The following DYNLT5 variants were observed in gnomAD, a reference collection of about 807,000 sequenced individuals.
DYNLT5 encodes the protein dynein light chain Tctex-type family member 5, also known as dynein light chain Tctex-type 5.
In DYNLT5, 25 loss-of-function variants were observed where a neutral mutation model predicts 19.3. The ratio of observed to expected loss-of-function variants is 1.30; its 90% CI spans 0.95 to 1.81. The LOEUF (loss-of-function observed/expected upper bound fraction) is 1.81. Among genes scored for constraint, DYNLT5 ranks in the 40% most tolerant of loss-of-function variants. The pLI is 0.00. For synonymous variants in DYNLT5, 82 were observed against 68.9 expected, an observed-to-expected ratio of 1.19 and a Z score of -0.94; for missense variants, 232 against 217.9, an observed-to-expected ratio of 1.06 and a Z score of -0.41.
At chr1:66,770,658 G>T (rs1336654463) in intron 3 of DYNLT5, 180 bp downstream of exon 3, 1 of 691,022 alleles carries the variant, frequency 1.4e-6, no homozygotes, top group African/African-American at 1.8e-5. Context: ...AACAACACTT[G>T]CTGTCTTACT....
At chr1:66,766,233 C>T (rs1391547) in intron 2 of DYNLT5, among the ~76,000 whole-genome samples, 74,248 of 151,904 alleles carry the variant, frequency 0.49, 18,912 homozygotes, top group African/African-American at 0.61. Flanking sequence ...AAAATAAAAC[C>T]GTAGCATTCA....
At chr1:66,755,030 C>A (rs570371935) in intron 2 of DYNLT5, among the ~76,000 whole-genome samples, 1 of 152,334 alleles carries the variant, frequency 6.6e-6, no homozygotes, top group African/African-American at 2.4e-5. Context: ...AGAAACACCA[C>A]ATGCAATGTA....
intron 2 of DYNLT5, among the ~76,000 whole-genome samples, chr1:66,757,256 T>C (rs1303784543): frequency 6.6e-6 from 1 of 152,210 alleles, no homozygotes; most frequent in Non-Finnish European, 1.5e-5. Context: ...TTGGTTTCCA[T>C]GTCTACAGTC....
intron 2 of DYNLT5, among the ~76,000 whole-genome samples, chr1:66,758,404 T>G (rs1286057959): frequency 4.1e-5 from 6 of 144,592 alleles, no homozygotes; most frequent in Non-Finnish European, 5.9e-5. Context: ...TGTCTAGGCT[T>G]GTTATCTGTG....
intron 1 of DYNLT5, among the ~76,000 whole-genome samples, chr1:66,753,823 G>A (rs1208616172): frequency 6.6e-6 from 1 of 151,926 alleles, no homozygotes; most frequent in East Asian, 1.9e-4. Flanking sequence ...GGTGGTGCAG[G>A]CCTGTAGTCC....
chr1:66,752,506 G>A lies in DYNLT5; in HGVS notation c.-82G>A. The A allele has an allele frequency of 1.0e-6, 1 of 985,584 alleles. No individual in the cohort carries two copies. Among genetic ancestry groups the A allele is most frequent in the African/African-American group, 1.7e-5 (1 of 57,374 alleles). The allele number at this position is 985,584 out of a possible 1,614,324, so 61.1% of individuals were successfully genotyped here. ...GCGGCCGCCGGCTGAATGAAGCCTG[G>A]GACGCGGGAGCCGCGCCGCGCGCAG... is the stretch of plus-strand genomic sequence containing the variant. On this transcript the variant is annotated 5_prime_UTR_variant, in exon 1 of 5. Transcript: ENST00000282670.
chr1:66,770,521 T>A, intron 3 of DYNLT5, 43 bp downstream of exon 3: 1 of 1,371,044 alleles, frequency 7.3e-7, no homozygotes, highest in Non-Finnish European at 1.0e-6. Flanking sequence ...ACTTCTAAAT[T>A]GGTGACTGAT....
At chr1:66,777,115 G>C (rs371749593) in intron 4 of DYNLT5, 136 bp from the exon 5 acceptor site, 8 of 725,444 alleles carry the variant, frequency 1.1e-5, no homozygotes, top group Non-Finnish European at 1.7e-5. Context: ...TCATACTTAC[G>C]GTTCTAAAAC....
intron 2 of DYNLT5, chr1:66,768,637 T>A (rs1309298189): frequency 6.6e-6 from 1 of 152,240 alleles, no homozygotes; most frequent in African/African-American, 2.4e-5. Context: ...TTTGCTTTTT[T>A]GTCTTGGAAT....
chr1:66,770,323 A>G, intron 2 of DYNLT5, 64 bp from the exon 3 acceptor site: 1 of 1,062,088 alleles, frequency 9.4e-7, no homozygotes, highest in Non-Finnish European at 1.4e-6. Flanking sequence ...AGCTTAAAGC[A>G]ATATTGTATT....
At position 66,754,691 on chromosome 1, in the gene DYNLT5, A is replaced by G. The variant is rs774390512; in HGVS notation, c.33A>G (p.Ala11=). 6.8e-6 allele frequency: 11 copies of G among 1,613,142 alleles called. No individual in the cohort carries two copies. Among genetic ancestry groups the G allele is most frequent in the Non-Finnish European group, 9.3e-6 (11 of 1,179,740 alleles). Residue 11 remains alanine (A), a synonymous_variant, in exon 2 of 5, where the codon GCA becomes GCG. Coordinates refer to ENST00000282670, the MANE Select transcript of DYNLT5 (RefSeq NM_152665.3). Reference sequence around the variant, plus strand: ...TGTCAGACAATGCTAAAGGCAGAGCAGCTCATTCATGGAAGAAAAGAGGGA... The same window carrying G: ...TGTCAGACAATGCTAAAGGCAGAGCGGCTCATTCATGGAAGAAAAGAGGGA... The part of the protein sequence containing the change: MMMSDNAKGR[A]AHSWKKRGSI...
At chr1:66,776,558 T>G (rs547659353) in intron 4 of DYNLT5, among the ~76,000 whole-genome samples, 155 bp downstream of exon 4, 1,742 of 135,010 alleles carry the variant, frequency 0.013, 48 homozygotes, top group African/African-American at 0.045. Flanking sequence ...TGTGTGTGTG[T>G]GGGTGTGTGT....
intron 2 of DYNLT5, among the ~76,000 whole-genome samples, chr1:66,755,084 T>C (rs761396356): frequency 3.9e-5 from 6 of 152,202 alleles, no homozygotes; most frequent in Non-Finnish European, 5.9e-5. Flanking sequence ...CTCCTCAATA[T>C]TTTATAACAT....
In DYNLT5 at chr1:66,768,332, AT is replaced by A. The variant is rs377117701; in HGVS notation, c.120-2049del. ...GGTTAGAGAACAACTGAGGTTAATA[AT>A]TTTTTGTAATTTTACTTTCTTCTCT... On this transcript the variant is annotated intron_variant, in intron 2 of 4. Transcript: ENST00000282670. Among the ~76,000 whole-genome samples, 56 of 152,264 alleles carry A rather than the reference AT, an allele frequency of 3.7e-4. No individual in the cohort carries two copies. The East Asian group carries it at 0.01, about 28-fold the overall frequency.
intron 2 of DYNLT5, among the ~76,000 whole-genome samples, chr1:66,758,839 C>T (rs2094640875): frequency 6.6e-6 from 1 of 152,132 alleles, no homozygotes; most frequent in African/African-American, 2.4e-5. Flanking sequence ...TCAATCTATA[C>T]TACTGTGAGC....
chr1:66,770,802 T>C (rs1438725154), intron 3 of DYNLT5: 4 of 364,148 alleles, frequency 1.1e-5, no homozygotes, highest in Non-Finnish European at 2.1e-5. Flanking sequence ...GAGATAAGTA[T>C]TGATATTTTA....
chr1:66,776,722 C>T (rs909712158), intron 4 of DYNLT5, among the ~76,000 whole-genome samples: 1 of 152,098 alleles, frequency 6.6e-6, no homozygotes, highest in African/African-American at 2.4e-5. Context: ...ACTAAGGCAG[C>T]TTCTTTGAGT....
In DYNLT5 at chr1:66,770,420, C is replaced by A. The variant is rs749029829; in HGVS notation, c.153C>A (p.Pro51=). The part of the protein sequence containing the change: ...SMSTVSYMEE[P]SQRDDISRLT... ...GTACTGTGTCTTATATGGAAGAACC[C>A]AGTCAGCGTGATGATATCTCTCGCC... Residue 51 remains proline (P), a synonymous_variant, in exon 3 of 5, where the codon CCC becomes CCA. Transcript: ENST00000282670. 1.2e-6 allele frequency: 2 copies of A among 1,613,390 alleles called. No homozygotes were observed. Among genetic ancestry groups the A allele is most frequent in the African/African-American group, 2.7e-5 (2 of 74,858 alleles).
At chr1:66,768,887 A>G (rs998717737) in intron 2 of DYNLT5, 2 of 152,200 alleles carry the variant, frequency 1.3e-5, no homozygotes, top group Admixed American at 1.3e-4. Context: ...CCTTTTATAC[A>G]TGTACATTAA....
Sources: gnomAD v4.1 joint callset for allele counts (sites outside exome capture counted in the v4.1 genomes callset) on GRCh38, gnomAD v4.1.1 for gene constraint, MANE v1.5 for transcripts, NCBI Gene and HGNC (gene_info 2026-07-23, HGNC 2026-07-21) for gene names.